ASTN2: variants seen among roughly 807,000 people sequenced by gnomAD.
ASTN2 encodes the protein astrotactin-2.
In ASTN2, 54 loss-of-function variants were observed where a neutral mutation model predicts 139.8. That is an observed-to-expected ratio of 0.39 (90% CI 0.31 to 0.48). ASTN2 has a LOEUF of 0.48. Ranked by LOEUF, ASTN2 falls within the 20% of genes least tolerant of loss-of-function variation. The pLI is 0.95. For missense variants in ASTN2, 1,565 were observed against 1,725.1 expected, an observed-to-expected ratio of 0.91 and a Z score of 1.64; for synonymous variants, 756 against 719.5, an observed-to-expected ratio of 1.05 and a Z score of -0.81.
At chr9:117,052,613 C>G (rs72757438) in intron 5 of ASTN2, among the ~76,000 whole-genome samples, 43 of 152,230 alleles carry the variant, frequency 2.8e-4, no homozygotes, top group Non-Finnish European at 5.7e-4. Flanking sequence ...CAGGATGGGT[C>G]AGAAATAGGA....
intron 10 of ASTN2, among the ~76,000 whole-genome samples, chr9:116,875,967 A>G (rs1334712884): frequency 2.6e-5 from 4 of 152,188 alleles, no homozygotes; most frequent in Admixed American, 1.3e-4. Context: ...TTTGCAGCCC[A>G]TGCATGAAGA....
intron 1 of ASTN2, among the ~76,000 whole-genome samples, chr9:117,381,069 T>G (rs1375107973): frequency 6.6e-6 from 1 of 152,098 alleles, no homozygotes; most frequent in African/African-American, 2.4e-5. Context: ...TAAAAAGAAA[T>G]AAAGTGCTGA....
chr9:116,673,373 A>G (rs1291684792), intron 16 of ASTN2, among the ~76,000 whole-genome samples: 1 of 152,212 alleles, frequency 6.6e-6, no homozygotes, highest in Admixed American at 6.5e-5. Context: ...TTTTAAAGAC[A>G]ATGAAAGAAA....
intron 1 of ASTN2, among the ~76,000 whole-genome samples, chr9:117,353,880 G>T (rs1290584222): frequency 6.6e-6 from 1 of 152,166 alleles, no homozygotes; most frequent in Non-Finnish European, 1.5e-5. Context: ...AAAGACCAGC[G>T]ATAGCAGTGG....
intron 2 of ASTN2, among the ~76,000 whole-genome samples, chr9:117,278,018 A>T (rs1471046047): frequency 6.6e-6 from 1 of 152,336 alleles, no homozygotes; most frequent in East Asian, 1.9e-4. Context: ...AGCAATTTAC[A>T]GGGGGTAAAA....
chr9:117,180,817 T>A, intron 3 of ASTN2: 1 of 1,542,198 alleles, frequency 6.5e-7, no homozygotes, highest in Non-Finnish European at 8.9e-7. Flanking sequence ...TTCATCAACA[T>A]TGAACTTGGT....
At chr9:117,223,784 G>T (rs934443601) in intron 2 of ASTN2, among the ~76,000 whole-genome samples, 3 of 152,280 alleles carry the variant, frequency 2.0e-5, no homozygotes, top group Middle Eastern at 3.4e-3. Flanking sequence ...TACATCTATA[G>T]TTAGCTATAT....
intron 16 of ASTN2, chr9:116,697,698 G>A (rs749255121): frequency 6.2e-7 from 1 of 1,611,618 alleles, no homozygotes; most frequent in Non-Finnish European, 8.5e-7. Context: ...ATACTGTGCT[G>A]TTCAGTTCTG....
intron 7 of ASTN2, among the ~76,000 whole-genome samples, chr9:116,992,828 A>C (rs915962134): frequency 1.3e-5 from 2 of 152,192 alleles, no homozygotes; most frequent in Admixed American, 1.3e-4. Flanking sequence ...AACTACCTCC[A>C]ATACTGAGCA....
At chr9:116,973,653 T>A (rs1237550609) in intron 10 of ASTN2, among the ~76,000 whole-genome samples, 1 of 152,242 alleles carries the variant, frequency 6.6e-6, no homozygotes, top group African/African-American at 2.4e-5. Context: ...TGGTCCTTGC[T>A]TTATCTTTAA....
At chr9:116,743,779 A>C (rs1008438730) in intron 13 of ASTN2, among the ~76,000 whole-genome samples, 3 of 152,182 alleles carry the variant, frequency 2.0e-5, no homozygotes, top group Non-Finnish European at 4.4e-5. Context: ...CTGGGATTTC[A>C]GGCGTGAGCC....
intron 20 of ASTN2, among the ~76,000 whole-genome samples, chr9:116,445,964 C>T (rs1296787789): frequency 6.6e-6 from 1 of 152,124 alleles, no homozygotes; most frequent in Non-Finnish European, 1.5e-5. Context: ...GTCACAAGGC[C>T]ATGCGCTTTC....
chr9:117,387,565 A>G (rs1389267274), intron 1 of ASTN2, among the ~76,000 whole-genome samples: 1 of 152,178 alleles, frequency 6.6e-6, no homozygotes, highest in Non-Finnish European at 1.5e-5. Context: ...TGCAAAGGCC[A>G]AGAGGCAGAA....
intron 6 of ASTN2, among the ~76,000 whole-genome samples, chr9:117,008,572 G>A (rs1332002169): frequency 6.6e-6 from 1 of 152,136 alleles, no homozygotes; most frequent in Non-Finnish European, 1.5e-5. Context: ...CTGGGTCTTG[G>A]TTACTTCCTC....
intron 19 of ASTN2, chr9:116,504,215 C>T (rs978798209): frequency 6.6e-6 from 1 of 152,182 alleles, no homozygotes; most frequent in Non-Finnish European, 1.5e-5. Context: ...GAACAAGACA[C>T]TTGATCAATG....
intron 2 of ASTN2, among the ~76,000 whole-genome samples, chr9:117,279,308 C>G (rs1476232643): frequency 6.6e-6 from 1 of 152,136 alleles, no homozygotes; most frequent in East Asian, 1.9e-4. Context: ...ATTCTGGGCT[C>G]GGACACTGGC....
At chr9:117,086,078 A>G (rs1291646314) in intron 5 of ASTN2, among the ~76,000 whole-genome samples, 1 of 152,216 alleles carries the variant, frequency 6.6e-6, no homozygotes, top group Admixed American at 6.5e-5. Context: ...GCATAGAGAT[A>G]ATTCAATAAA....
chr9:117,026,831 C>T (rs1838100685), intron 6 of ASTN2, among the ~76,000 whole-genome samples: 1 of 152,106 alleles, frequency 6.6e-6, no homozygotes, highest in African/African-American at 2.4e-5. Context: ...TATTGTTTTC[C>T]AAGTATGGAA....
At chr9:117,132,742 C>A (rs371270660) in intron 4 of ASTN2, among the ~76,000 whole-genome samples, 38 of 152,192 alleles carry the variant, frequency 2.5e-4, no homozygotes, top group African/African-American at 9.2e-4. Flanking sequence ...CCCGGCTGCA[C>A]CTCTTAGAAG....
Sources: gnomAD v4.1 joint callset for allele counts (sites outside exome capture counted in the v4.1 genomes callset) on GRCh38, gnomAD v4.1.1 for gene constraint, MANE v1.5 for transcripts, NCBI Gene and HGNC (gene_info 2026-07-23, HGNC 2026-07-21) for gene names.